SLC24A4: variants seen among roughly 807,000 people sequenced by gnomAD.
SLC24A4 encodes the protein solute carrier family 24 member 4.
In SLC24A4, 53 loss-of-function variants were observed where a neutral mutation model predicts 79.0. The observed-to-expected ratio is 0.67, with a 90% CI of 0.54 to 0.84. The LOEUF is 0.84. SLC24A4 is among the 40% of genes least tolerant of loss of function. SLC24A4 has a pLI of 0.00. For missense variants in SLC24A4, 731 were observed against 822.0 expected, an observed-to-expected ratio of 0.89 and a Z score of 1.35; for synonymous variants, 323 against 323.8, an observed-to-expected ratio of 1.00 and a Z score of 0.03.
chr14:92,345,304 C>T (rs1886462690), intron 2 of SLC24A4, among the ~76,000 whole-genome samples: 1 of 152,180 alleles, frequency 6.6e-6, no homozygotes, highest in South Asian at 2.1e-4. Flanking sequence ...CAACCTGGAG[C>T]AAGTTACTTA....
intron 1 of SLC24A4, among the ~76,000 whole-genome samples, chr14:92,324,809 C>T (rs539147424): frequency 6.6e-6 from 1 of 152,204 alleles, no homozygotes; most frequent in Non-Finnish European, 1.5e-5. Flanking sequence ...GATTTAAACA[C>T]CAAGACATGG....
chr14:92,374,244 C>T (rs994769058), intron 2 of SLC24A4, among the ~76,000 whole-genome samples: 2 of 152,186 alleles, frequency 1.3e-5, no homozygotes, highest in African/African-American at 2.4e-5. Context: ...GAGGTAGGCC[C>T]CCATGGTGGC....
intron 2 of SLC24A4, among the ~76,000 whole-genome samples, chr14:92,376,614 G>C (rs1888517527): frequency 6.6e-6 from 1 of 152,252 alleles, no homozygotes; most frequent in South Asian, 2.1e-4. Flanking sequence ...GCTGAGAGGC[G>C]GCAAGTGTGC....
At chr14:92,437,437 G>T (rs1276669620) in intron 3 of SLC24A4, among the ~76,000 whole-genome samples, 1 of 152,242 alleles carries the variant, frequency 6.6e-6, no homozygotes, top group African/African-American at 2.4e-5. Context: ...GTGAAGCCGT[G>T]CTGGCTGCTG....
chr14:92,352,875 A>G (rs1050699236), intron 2 of SLC24A4, among the ~76,000 whole-genome samples: 3 of 152,258 alleles, frequency 2.0e-5, no homozygotes, highest in African/African-American at 4.8e-5. Context: ...GCCATCATCC[A>G]TCTATGGAAT....
intron 2 of SLC24A4, 111 bp downstream of exon 2, chr14:92,326,089 T>G (rs1006570105): frequency 3.0e-6 from 2 of 660,504 alleles, no homozygotes; most frequent in South Asian, 2.0e-5. Flanking sequence ...TTTATGGACT[T>G]GAGTGGGAAA....
chr14:92,474,863 A>ATATATATATATATTTTT (rs36185636), intron 12 of SLC24A4, among the ~76,000 whole-genome samples: 9 of 57,122 alleles, frequency 1.6e-4, no homozygotes, highest in East Asian at 9.4e-4. Context: ...ATATATATAT[A>ATATATATATATATTTTT]TTTTTTTTTT....
chr14:92,351,924 G>GAAGGAAAGA (rs1886913330), intron 2 of SLC24A4, among the ~76,000 whole-genome samples: 3 of 150,796 alleles, frequency 2.0e-5, no homozygotes, highest in Non-Finnish European at 4.4e-5. Flanking sequence ...GGAAGGAAAG[G>GAAGGAAAGA]AAAGGAAAGG....
rs1012190279 is a variant in SLC24A4 at position 92,365,901 on chromosome 14, C to T, written c.241+39923C>T. Among the ~76,000 whole-genome samples the T allele has an allele frequency of 5.3e-5, 8 of 152,286 alleles. No homozygotes were observed. The South Asian group carries it at 1.0e-3, about 20-fold the overall frequency. On this transcript the variant is annotated intron_variant, in intron 2 of 16. Coordinates refer to ENST00000532405, the MANE Select transcript of SLC24A4 (RefSeq NM_153646.4). ...AACTAGGCTGTCTGGCCCCAGAGCC[C>T]GCCTTCAAACACCACTCCATGCTGC... is the stretch of plus-strand genomic sequence containing the variant.
intron 11 of SLC24A4, among the ~76,000 whole-genome samples, 156 bp from the exon 12 acceptor site, chr14:92,456,248 C>T (rs1242950572): frequency 2.0e-5 from 3 of 152,208 alleles, no homozygotes; most frequent in Admixed American, 6.5e-5. Context: ...TAGAAGGATT[C>T]CAAGGTCCTG....
intron 2 of SLC24A4, among the ~76,000 whole-genome samples, chr14:92,379,086 C>A (rs539392869): frequency 5.9e-5 from 9 of 152,226 alleles, no homozygotes; most frequent in African/African-American, 2.2e-4. Flanking sequence ...AGCTAGCTAG[C>A]TAGCTAGATA....
At chr14:92,423,397 G>A (rs575468983) in intron 2 of SLC24A4, among the ~76,000 whole-genome samples, 2 of 152,090 alleles carry the variant, frequency 1.3e-5, no homozygotes, top group South Asian at 2.1e-4. Flanking sequence ...TGCCTGCCTC[G>A]GCCTTTCAAA....
chr14:92,472,529 A>G (rs1043713555), intron 12 of SLC24A4, among the ~76,000 whole-genome samples: 1 of 152,178 alleles, frequency 6.6e-6, no homozygotes, highest in Non-Finnish European at 1.5e-5. Context: ...GTTACTTCAC[A>G]TAGAATAATA....
At chr14:92,448,771 C>T (rs989936658) in intron 9 of SLC24A4, among the ~76,000 whole-genome samples, 1 of 152,196 alleles carries the variant, frequency 6.6e-6, no homozygotes, top group Admixed American at 6.5e-5. Context: ...GCCGAGCTTC[C>T]TTTATTAGGA....
intron 2 of SLC24A4, among the ~76,000 whole-genome samples, chr14:92,372,581 AGG>A (rs1160341492): frequency 6.6e-6 from 1 of 152,142 alleles, no homozygotes; most frequent in Non-Finnish European, 1.5e-5. Flanking sequence ...TGACTCTCTC[AGG>A]GAGTATGGGT....
At chr14:92,422,880 C>T (rs1891360318) in intron 2 of SLC24A4, among the ~76,000 whole-genome samples, 2 of 152,192 alleles carry the variant, frequency 1.3e-5, no homozygotes, top group South Asian at 4.1e-4. Context: ...TTGGTGCCAT[C>T]ACTGCTCACT....
At chr14:92,440,342 A>G (rs1351754031) in intron 4 of SLC24A4, among the ~76,000 whole-genome samples, 1 of 152,142 alleles carries the variant, frequency 6.6e-6, no homozygotes, top group Non-Finnish European at 1.5e-5. Flanking sequence ...AGGGTGAGGA[A>G]CAGAGTCCAG....
intron 3 of SLC24A4, among the ~76,000 whole-genome samples, chr14:92,436,051 G>A (rs1892148360): frequency 6.6e-6 from 1 of 152,162 alleles, no homozygotes; most frequent in African/African-American, 2.4e-5. Flanking sequence ...CTCACCAACT[G>A]TTTGTTTGTT....
chr14:92,384,360 A>T (rs1171215162), intron 2 of SLC24A4, among the ~76,000 whole-genome samples: 1 of 151,914 alleles, frequency 6.6e-6, no homozygotes, highest in Non-Finnish European at 1.5e-5. Flanking sequence ...ATATTTTATG[A>T]TTTATGTAAT....
Sources: allele counts gnomAD v4.1 joint callset (sites outside exome capture counted in the v4.1 genomes callset), GRCh38; gene constraint gnomAD v4.1.1; transcripts MANE v1.5; gene names NCBI Gene and HGNC (gene_info 2026-07-23, HGNC 2026-07-21).